The following SLC25A40 variants were observed in gnomAD, a reference collection of about 807,000 sequenced individuals.
SLC25A40 encodes the protein mitochondrial glutathione transporter SLC25A40.
In SLC25A40, 41 loss-of-function variants were observed where a neutral mutation model predicts 46.5. That is an observed-to-expected ratio of 0.88 (90% CI 0.69 to 1.14). SLC25A40 has a LOEUF of 1.14. Ranked by LOEUF, SLC25A40 falls within the 50% of genes most tolerant of loss-of-function variation. SLC25A40 has a pLI of 0.00. For synonymous variants in SLC25A40, 126 were observed against 127.5 expected (o/e 0.99, Z 0.08); for missense variants, 386 against 393.6 (o/e 0.98, Z 0.16).
At chr7:87,842,117 C>A in intron 9 of SLC25A40, 1 of 264,016 alleles carries the variant, frequency 3.8e-6, no homozygotes, top group Non-Finnish European at 7.7e-6. Context: ...TTAAAAATTT[C>A]CAGCAAACGC....
chr7:87,857,241 T>A (rs1257248188), intron 3 of SLC25A40, among the ~76,000 whole-genome samples: 2 of 152,222 alleles, frequency 1.3e-5, no homozygotes, highest in African/African-American at 4.8e-5. Context: ...TCTGTATTAT[T>A]CATTATGCTA....
In SLC25A40 at chr7:87,847,919, GA is replaced by G; in HGVS notation, c.390del (p.Leu131PhefsTer2). On this transcript the variant is annotated frameshift_variant, in exon 7 of 12. Coordinates refer to ENST00000341119, the MANE Select transcript of SLC25A40 (RefSeq NM_018843.4). LOFTEE classifies it high-confidence loss of function. Reference sequence around the variant, plus strand: ...TTTTCTCCTAACTTAGATCTCAGAAGAGCACTTAATTGATCATAGCAGGTAA... The same window carrying G: ...TTTTCTCCTAACTTAGATCTCAGAAGGCACTTAATTGATCATAGCAGGTAA... ...IYFTCYDQLSALLRSKLGENE... is the reference protein window; with the variant it reads ...IYFTCYDQLSXLLRSKLGENE... 1.2e-6 allele frequency: 2 copies of G among 1,611,478 alleles called. No individual in the cohort carries two copies. Among genetic ancestry groups the G allele is most frequent in the Non-Finnish European group, 1.7e-6 (2 of 1,178,874 alleles).
chr7:87,870,177 AT>A (rs1330417930), intron 1 of SLC25A40, among the ~76,000 whole-genome samples: 3 of 150,772 alleles, frequency 2.0e-5, no homozygotes, highest in Non-Finnish European at 2.9e-5. Flanking sequence ...AATTCTTCAT[AT>A]TTTTTGGATA....
chr7:87,853,148 TACAA>T (rs963991422), intron 5 of SLC25A40, among the ~76,000 whole-genome samples: 3 of 152,146 alleles, frequency 2.0e-5, no homozygotes, highest in African/African-American at 7.2e-5. Context: ...ACAGTAAAAC[TACAA>T]ACAATTTAAT....
intron 1 of SLC25A40, among the ~76,000 whole-genome samples, chr7:87,871,828 T>A (rs1333236563): frequency 6.6e-6 from 1 of 152,234 alleles, no homozygotes. Flanking sequence ...AGTGAAGCTA[T>A]CCAGACCTGG....
rs1157453835 is a variant in SLC25A40 at position 87,833,998 on chromosome 7, T to A, written c.*2251A>T. On this transcript the variant is annotated 3_prime_UTR_variant, in exon 12 of 12. Transcript: ENST00000341119. Reference sequence around the variant, plus strand: ...GTTGCAACCATCTCATATTGAAAATTAAAGATGTTCCTTCCTAAAATTTTA... The same window carrying A: ...GTTGCAACCATCTCATATTGAAAATAAAAGATGTTCCTTCCTAAAATTTTA... 6.6e-6 allele frequency: 1 copy of A among 151,948 alleles called. No individual in the cohort carries two copies. Among genetic ancestry groups the A allele is most frequent in the Non-Finnish European group, 1.5e-5 (1 of 67,910 alleles). The allele number at this position is 151,948 out of a possible 1,614,324, so 9.4% of individuals were successfully genotyped here. A position where few individuals can be genotyped will look rare whatever the true frequency, so the allele number is the denominator to read the frequency against.
intron 1 of SLC25A40, among the ~76,000 whole-genome samples, chr7:87,868,402 T>A (rs993869879): frequency 1.3e-5 from 2 of 152,076 alleles, no homozygotes; most frequent in South Asian, 4.1e-4. Context: ...CACCTTGATA[T>A]CCTTCAATTT....
intron 9 of SLC25A40, among the ~76,000 whole-genome samples, chr7:87,842,507 T>G (rs1449100238): frequency 6.6e-6 from 1 of 152,116 alleles, no homozygotes; most frequent in Non-Finnish European, 1.5e-5. Flanking sequence ...CACTTATATT[T>G]TATTTCACCC....
chr7:87,854,469 C>A (rs1838571682), intron 4 of SLC25A40, among the ~76,000 whole-genome samples, 159 bp from the exon 5 acceptor site: 1 of 152,094 alleles, frequency 6.6e-6, no homozygotes, highest in South Asian at 2.1e-4. Context: ...TAGGATGAAA[C>A]AGACAAAATT....
intron 10 of SLC25A40, among the ~76,000 whole-genome samples, chr7:87,839,129 C>A (rs1412956822): frequency 6.6e-6 from 1 of 151,490 alleles, no homozygotes; most frequent in African/African-American, 2.4e-5. Flanking sequence ...AATACTCTTA[C>A]CATCATGGCA....
chr7:87,841,797 T>C, intron 9 of SLC25A40, 83 bp from the exon 10 acceptor site: 1 of 691,364 alleles, frequency 1.4e-6, no homozygotes, highest in South Asian at 3.1e-5. Flanking sequence ...ATTAGTATAT[T>C]ATTTAAGGAT....
At chr7:87,855,161 CAAAA>C (rs544710430) in intron 4 of SLC25A40, among the ~76,000 whole-genome samples, 5 of 54,478 alleles carry the variant, frequency 9.2e-5, no homozygotes, top group Admixed American at 2.0e-4. Context: ...GACCCAGTCT[CAAAA>C]AAAAAAAAAA....
At chr7:87,851,852 A>G (rs1430414353) in intron 5 of SLC25A40, among the ~76,000 whole-genome samples, 1 of 152,204 alleles carries the variant, frequency 6.6e-6, no homozygotes, top group Non-Finnish European at 1.5e-5. Flanking sequence ...TAAAGAGTTT[A>G]ATGGAATGCT....
At chr7:87,853,994 AT>A (rs1243720144) in intron 5 of SLC25A40, among the ~76,000 whole-genome samples, 2 of 152,202 alleles carry the variant, frequency 1.3e-5, no homozygotes, top group Non-Finnish European at 2.9e-5. Flanking sequence ...TTATCTCAAA[AT>A]AAAAATGTTT....
chr7:87,839,495 G>A (rs868674368), intron 10 of SLC25A40, among the ~76,000 whole-genome samples: 1 of 150,142 alleles, frequency 6.7e-6, no homozygotes, highest in Non-Finnish European at 1.5e-5. Flanking sequence ...TGTGTTCAGA[G>A]AAAAAGAAGT....
At chr7:87,870,380 T>C (rs1339225368) in intron 1 of SLC25A40, among the ~76,000 whole-genome samples, 1 of 152,112 alleles carries the variant, frequency 6.6e-6, no homozygotes. Flanking sequence ...GATTAACTTA[T>C]AAAAGACTGT....
chr7:87,872,378 A>G (rs1325743789), intron 1 of SLC25A40, among the ~76,000 whole-genome samples: 1 of 152,218 alleles, frequency 6.6e-6, no homozygotes, highest in Non-Finnish European at 1.5e-5. Context: ...AGAAATGAAA[A>G]TAAAAACCAA....
chr7:87,874,117 AAACT>A (rs1838937193), intron 1 of SLC25A40, among the ~76,000 whole-genome samples: 1 of 152,204 alleles, frequency 6.6e-6, no homozygotes, highest in Non-Finnish European at 1.5e-5. Context: ...AATATTTTAA[AAACT>A]AACCTTGGAT....
chr7:87,873,897 C>T (rs1838932227), intron 1 of SLC25A40, among the ~76,000 whole-genome samples: 1 of 152,166 alleles, frequency 6.6e-6, no homozygotes, highest in African/African-American at 2.4e-5. Context: ...AAGTTTCTCA[C>T]CATAAATAAC....
Sources: gnomAD v4.1 joint callset for allele counts (sites outside exome capture counted in the v4.1 genomes callset) on GRCh38, gnomAD v4.1.1 for gene constraint, MANE v1.5 for transcripts, NCBI Gene and HGNC (gene_info 2026-07-23, HGNC 2026-07-21) for gene names.